SIPA1L3: variants seen among roughly 807,000 people sequenced by gnomAD.
The protein encoded by SIPA1L3 is signal induced proliferation associated 1 like 3.
SIPA1L3 carries 59 observed loss-of-function variants against 150.1 expected under a neutral mutation model. The ratio of observed to expected loss-of-function variants is 0.39; its 90% CI spans 0.32 to 0.49. The LOEUF (loss-of-function observed/expected upper bound fraction) is 0.49, where lower values mean the gene tolerates loss of function less well. Ranked by LOEUF, SIPA1L3 falls within the 20% of genes least tolerant of loss-of-function variation. The pLI, the probability that SIPA1L3 is intolerant of heterozygous loss-of-function variation, is 0.86. For missense variants in SIPA1L3, 2,211 were observed against 2,489.5 expected (o/e 0.89, Z 2.38); for synonymous variants, 1,070 against 1,077.6 (o/e 0.99, Z 0.14).
chr19:38,161,970 A>G (rs1276962524), intron 13 of SIPA1L3, among the ~76,000 whole-genome samples: 1 of 152,028 alleles, frequency 6.6e-6, no homozygotes, highest in Non-Finnish European at 1.5e-5. Flanking sequence ...TCAACCCAGG[A>G]GTTCAAGGTT....
rs976819578 is a variant in SIPA1L3, at chr19:38,080,931, C to T, written c.-310-325C>T. Among the ~76,000 whole-genome samples the T allele has an allele frequency of 4.0e-5, 6 of 150,270 alleles. No homozygotes were observed. In the East Asian group the frequency reaches 1.2e-3, roughly 29 times the overall value. Reference sequence around the variant, plus strand: ...GTTGCAATGAGCCAAGCACATGCCACTGCACTCCAGCCTGGGTGACAGAGC... The same window carrying T: ...GTTGCAATGAGCCAAGCACATGCCATTGCACTCCAGCCTGGGTGACAGAGC... On this transcript the variant is annotated intron_variant, in intron 2 of 21. Coordinates refer to ENST00000222345, the MANE Select transcript of SIPA1L3 (RefSeq NM_015073.3).
At chr19:38,097,263 C>A (rs935452041) in intron 4 of SIPA1L3, among the ~76,000 whole-genome samples, 1 of 152,170 alleles carries the variant, frequency 6.6e-6, no homozygotes, top group East Asian at 1.9e-4. Context: ...GGCAGGGGAT[C>A]TCTTGCGCCC....
intron 1 of SIPA1L3, among the ~76,000 whole-genome samples, chr19:38,000,668 A>G (rs1003619682): frequency 4.4e-5 from 3 of 68,654 alleles, no homozygotes; most frequent in African/African-American, 1.9e-4. Flanking sequence ...AAGCAGGGGC[A>G]AAAGACTTTT....
chr19:38,195,689 C>T (rs1204196363), intron 18 of SIPA1L3, among the ~76,000 whole-genome samples: 1 of 152,014 alleles, frequency 6.6e-6, no homozygotes, highest in African/African-American at 2.4e-5. Flanking sequence ...CGAATTCCTC[C>T]AGCTTGCTGT....
intron 2 of SIPA1L3, among the ~76,000 whole-genome samples, chr19:38,033,659 C>T (rs1037002157): frequency 7.2e-6 from 1 of 138,914 alleles, no homozygotes; most frequent in African/African-American, 2.7e-5. Context: ...GGCAATAGAG[C>T]GAGAGAGATA....
chr19:37,956,883 A>G (rs74458338), intron 1 of SIPA1L3, among the ~76,000 whole-genome samples: 265 of 152,310 alleles, frequency 1.7e-3, no homozygotes, highest in African/African-American at 6.3e-3. Context: ...ACCCAGTATC[A>G]TGAAGTTCTT....
chr19:38,002,717 C>CA (rs55737969), intron 1 of SIPA1L3, among the ~76,000 whole-genome samples: 3,567 of 61,258 alleles, frequency 0.058, 460 homozygotes, highest in African/African-American at 0.13. Context: ...GACTCCATCT[C>CA]AAAAAAAAAA....
rs1468277814 is a variant in SIPA1L3 at position 38,183,777 on chromosome 19, C to CCAGGGAAGGAGGCGGGG, written c.4430+1038_4430+1039insAGGGAAGGAGGCGGGGC. Among the ~76,000 whole-genome samples the CCAGGGAAGGAGGCGGGG allele has an allele frequency of 9.9e-4, 149 of 149,782 alleles. 1 individual carries two copies. The highest frequency in any genetic ancestry group is 3.5e-3 in the African/African-American group (139 of 39,438). On this transcript the variant is annotated intron_variant, in intron 16 of 21. Coordinates refer to ENST00000222345, the MANE Select transcript of SIPA1L3 (RefSeq NM_015073.3). ...CTTGATGTTGAGCCAAAGTGAGAAGCCGGGGAAGGCGGGGAGGTGCGGAGG... is the reference window on the plus strand; with the variant it reads ...CTTGATGTTGAGCCAAAGTGAGAAGCCAGGGAAGGAGGCGGGGCGGGGAAGGCGGGGAGGTGCGGAGG...
intron 15 of SIPA1L3, among the ~76,000 whole-genome samples, chr19:38,171,385 C>CAT (rs1284437950): frequency 1.3e-5 from 1 of 77,884 alleles, no homozygotes; most frequent in Non-Finnish European, 2.4e-5. Flanking sequence ...CCTACCAAAA[C>CAT]TTTTTTTTTT....
rs1333231949 is a variant in SIPA1L3 at position 38,081,528 on chromosome 19, AG to A, written c.-37del. On this transcript the variant is annotated 5_prime_UTR_variant, in exon 3 of 22. Coordinates refer to ENST00000222345, the MANE Select transcript of SIPA1L3 (RefSeq NM_015073.3). ...GGGGGACCCCATAGAGTGACACCAC[AG>A]CGTACGGGGCCAGCAGCACTCCAGT... The A allele has an allele frequency of 1.3e-6, 2 of 1,527,858 alleles. No homozygotes were observed. Among genetic ancestry groups the A allele is most frequent in the Non-Finnish European group, 1.8e-6 (2 of 1,132,564 alleles). The allele number at this position is 1,527,858 out of a possible 1,614,324, so 94.6% of individuals were successfully genotyped here.
intron 1 of SIPA1L3, among the ~76,000 whole-genome samples, chr19:37,920,607 A>G (rs1478553584): frequency 6.6e-6 from 1 of 152,246 alleles, no homozygotes; most frequent in Non-Finnish European, 1.5e-5. Context: ...AAAAACAAGT[A>G]CAACAAATTT....
intron 15 of SIPA1L3, among the ~76,000 whole-genome samples, chr19:38,171,495 C>T (rs1057495865): frequency 2.7e-5 from 4 of 148,678 alleles, no homozygotes; most frequent in Non-Finnish European, 5.9e-5. Flanking sequence ...CAGGTTCAAG[C>T]GATTCTCCTG....
chr19:38,000,915 A>ATG (rs1967780111), intron 1 of SIPA1L3, among the ~76,000 whole-genome samples: 1 of 113,920 alleles, frequency 8.8e-6, no homozygotes. Context: ...TATATAACAT[A>ATG]TATATAACAT....
At chr19:37,976,294 TC>T (rs566455848) in intron 1 of SIPA1L3, among the ~76,000 whole-genome samples, 9 of 152,002 alleles carry the variant, frequency 5.9e-5, no homozygotes, top group Admixed American at 6.6e-5. Context: ...TGGGTTTCTC[TC>T]CCTGGGGTGG....
chr19:38,015,119 G>A lies in SIPA1L3; in HGVS notation c.-378-13970G>A, dbSNP rs151028674. 1.7e-3 allele frequency among the ~76,000 whole-genome samples: 264 copies of A among 152,220 alleles called. 4 individuals carry two copies. In the East Asian group the frequency reaches 0.023, roughly 13 times the overall value. ...TGTGAGCCACCACGCCCAGCTCCAT[G>A]CCAGATTTAAATGCAAGTATCAGAT... On this transcript the variant is annotated intron_variant, in intron 1 of 21. Coordinates refer to ENST00000222345, the MANE Select transcript of SIPA1L3 (RefSeq NM_015073.3).
chr19:38,029,334 G>A (rs1294276815), intron 2 of SIPA1L3, among the ~76,000 whole-genome samples, 178 bp downstream of exon 2: 1 of 152,098 alleles, frequency 6.6e-6, no homozygotes, highest in African/African-American at 2.4e-5. Flanking sequence ...CACTGGCTGG[G>A]TGCCCTGCCA....
chr19:38,051,503 T>C (rs1331949628), intron 2 of SIPA1L3, among the ~76,000 whole-genome samples: 1 of 152,212 alleles, frequency 6.6e-6, no homozygotes, highest in Admixed American at 6.5e-5. Flanking sequence ...ACTGACAAGT[T>C]GCCCTCAAAG....
chr19:38,139,819 T>G (rs1354219671), intron 10 of SIPA1L3, among the ~76,000 whole-genome samples: 1 of 152,162 alleles, frequency 6.6e-6, no homozygotes, highest in African/African-American at 2.4e-5. Flanking sequence ...GTCTTTCTAC[T>G]TCCATGATGG....
intron 3 of SIPA1L3, chr19:38,087,630 G>C (rs1237984077): frequency 6.6e-6 from 1 of 152,290 alleles, no homozygotes; most frequent in Non-Finnish European, 1.5e-5. Context: ...ATAGTAGCAT[G>C]TTTTAGAAAA....
Sources: allele counts gnomAD v4.1 joint callset (sites outside exome capture counted in the v4.1 genomes callset), GRCh38; gene constraint gnomAD v4.1.1; transcripts MANE v1.5; gene names NCBI Gene and HGNC (gene_info 2026-07-23, HGNC 2026-07-21).